SORCS3: variants seen among roughly 807,000 people sequenced by gnomAD.
The protein encoded by SORCS3 is VPS10 domain-containing receptor SorCS3.
Under a neutral mutation model 146.3 loss-of-function variants are expected in SORCS3, and 57 were observed. The ratio of observed to expected loss-of-function variants is 0.39; its 90% CI spans 0.31 to 0.49. The LOEUF is 0.49. SORCS3 is among the 20% of genes least tolerant of loss of function. SORCS3 has a pLI of 0.92. For missense variants in SORCS3, 1,341 were observed against 1,575.5 expected, an observed-to-expected ratio of 0.85 and a Z score of 2.52; for synonymous variants, 653 against 618.5, an observed-to-expected ratio of 1.06 and a Z score of -0.83.
intron 3 of SORCS3, among the ~76,000 whole-genome samples, chr10:104,932,448 C>A (rs1485738017): frequency 3.3e-5 from 5 of 152,146 alleles, no homozygotes; most frequent in Admixed American, 2.0e-4. Flanking sequence ...CCACAGTTAT[C>A]CCCTCAAAAA....
At chr10:105,224,123 A>G (rs1332874310) in intron 20 of SORCS3, among the ~76,000 whole-genome samples, 1 of 152,166 alleles carries the variant, frequency 6.6e-6, no homozygotes, top group African/African-American at 2.4e-5. Flanking sequence ...CTTTAGATTC[A>G]TTTCTGGTTT....
intron 7 of SORCS3, among the ~76,000 whole-genome samples, chr10:105,107,262 C>T (rs776907924): frequency 2.7e-5 from 4 of 150,904 alleles, no homozygotes; most frequent in Admixed American, 1.3e-4. Context: ...CCTTTTATTC[C>T]ATTCTCATTG....
intron 1 of SORCS3, among the ~76,000 whole-genome samples, chr10:104,841,350 A>G (rs543859727): frequency 3.9e-5 from 6 of 152,168 alleles, no homozygotes; most frequent in Non-Finnish European, 8.8e-5. Flanking sequence ...TGCTATTAAT[A>G]CATACTCTTT....
chr10:104,661,276 G>A (rs2015696668), intron 1 of SORCS3, among the ~76,000 whole-genome samples: 1 of 152,118 alleles, frequency 6.6e-6, no homozygotes, highest in African/African-American at 2.4e-5. Context: ...GACGAGTCTT[G>A]TAATATTCAG....
intron 3 of SORCS3, among the ~76,000 whole-genome samples, chr10:104,946,146 G>A (rs920027011): frequency 6.6e-6 from 1 of 151,878 alleles, no homozygotes; most frequent in Non-Finnish European, 1.5e-5. Context: ...CTGGCACATC[G>A]AGTATGCACA....
chr10:104,807,847 G>A (rs962770381), intron 1 of SORCS3, among the ~76,000 whole-genome samples: 6 of 152,164 alleles, frequency 3.9e-5, no homozygotes, highest in Non-Finnish European at 7.3e-5. Context: ...AAAAGGCTTC[G>A]TAATTTACTT....
Position 104,977,361 on chromosome 10 carries a change from G to C in SORCS3, c.822G>C (p.Met274Ile). Residue 274 changes from methionine to isoleucine, a missense_variant, in exon 4 of 27, where the codon ATG becomes ATC. Coordinates refer to ENST00000369701, the MANE Select transcript of SORCS3 (RefSeq NM_014978.3). ...RKIMLLSDPE[M>I]ESSILISSDE... ...TTATGCTTCTCAGTGATCCTGAGAT[G>C]GAGAGCAGCATATTGATCAGCTCAG... 6.2e-7 allele frequency: 1 copy of C among 1,613,188 alleles called. No individual in the cohort carries two copies. Among genetic ancestry groups the C allele is most frequent in the Non-Finnish European group, 8.5e-7 (1 of 1,179,576 alleles).
At chr10:104,735,456 G>GTTTTTTTTTTTTTT (rs56203751) in intron 1 of SORCS3, among the ~76,000 whole-genome samples, 501 of 34,920 alleles carry the variant, frequency 0.014, 121 homozygotes, top group Admixed American at 0.031. Context: ...CTCACCGTCT[G>GTTTTTTTTTTTTTT]TTTTTTTTTT....
intron 2 of SORCS3, among the ~76,000 whole-genome samples, chr10:104,893,063 G>T (rs1037315275): frequency 1.3e-5 from 2 of 152,098 alleles, no homozygotes; most frequent in Non-Finnish European, 2.9e-5. Context: ...TCTCTGTCAT[G>T]GTCCCTGTTT....
intron 2 of SORCS3, among the ~76,000 whole-genome samples, chr10:104,871,448 C>G (rs756558859): frequency 5.3e-5 from 8 of 152,150 alleles, no homozygotes; most frequent in Non-Finnish European, 7.3e-5. Flanking sequence ...ATTTTGAGCC[C>G]TTGGCTTTTG....
intron 1 of SORCS3, among the ~76,000 whole-genome samples, chr10:104,655,542 T>G (rs898322245): frequency 6.6e-6 from 1 of 152,200 alleles, no homozygotes; most frequent in Non-Finnish European, 1.5e-5. Flanking sequence ...TTTAAAATCA[T>G]TTTTAAAAAC....
At chr10:104,872,121 C>T (rs2018524920) in intron 2 of SORCS3, among the ~76,000 whole-genome samples, 1 of 152,134 alleles carries the variant, frequency 6.6e-6, no homozygotes, top group Non-Finnish European at 1.5e-5. Flanking sequence ...TCTGTCTACC[C>T]ATAACTGTAA....
At chr10:104,694,442 G>A (rs2016150172) in intron 1 of SORCS3, among the ~76,000 whole-genome samples, 3 of 151,946 alleles carry the variant, frequency 2.0e-5, no homozygotes, top group Non-Finnish European at 4.4e-5. Flanking sequence ...GAAGGTAGTG[G>A]ATGCTGAGGT....
intron 3 of SORCS3, among the ~76,000 whole-genome samples, chr10:104,955,932 A>AT (rs1466156164): frequency 6.6e-6 from 1 of 152,158 alleles, no homozygotes; most frequent in Non-Finnish European, 1.5e-5. Flanking sequence ...TAAGCAGGTA[A>AT]TTTTAAGGTC....
At chr10:104,943,939 G>T (rs1034935728) in intron 3 of SORCS3, among the ~76,000 whole-genome samples, 1 of 152,058 alleles carries the variant, frequency 6.6e-6, no homozygotes, top group African/African-American at 2.4e-5. Flanking sequence ...TTTCTTTTGA[G>T]ATGGGGTCTT....
In SORCS3 at chr10:105,264,656, A is replaced by C. The variant is rs2056981072; in HGVS notation, c.*1282A>C. 6.6e-6 allele frequency: 1 copy of C among 152,656 alleles called. No individual in the cohort carries two copies. Among genetic ancestry groups the C allele is most frequent in the Non-Finnish European group, 1.5e-5 (1 of 68,044 alleles). The allele number at this position is 152,656 out of a possible 1,614,324, so 9.5% of individuals were successfully genotyped here. ...GCTGTGCTATTTGCTTGTCAGATGT[A>C]CACAACTTCCTTAAAGTCAAATGTC... On this transcript the variant is annotated 3_prime_UTR_variant, in exon 27 of 27. Coordinates refer to ENST00000369701, the MANE Select transcript of SORCS3 (RefSeq NM_014978.3).
intron 3 of SORCS3, among the ~76,000 whole-genome samples, chr10:104,968,879 A>G (rs1232295606): frequency 1.3e-5 from 2 of 152,200 alleles, no homozygotes; most frequent in African/African-American, 4.8e-5. Flanking sequence ...TAAAAACCCA[A>G]TTTTAAATAT....
chr10:105,121,245 C>T (rs906628278), intron 7 of SORCS3, among the ~76,000 whole-genome samples: 40 of 152,158 alleles, frequency 2.6e-4, no homozygotes, highest in African/African-American at 8.2e-4. Flanking sequence ...TAGTGGAAAA[C>T]GGACCTTGCA....
intron 1 of SORCS3, among the ~76,000 whole-genome samples, chr10:104,817,728 C>T (rs1336316664): frequency 2.3e-5 from 3 of 130,070 alleles, no homozygotes; most frequent in Admixed American, 8.3e-5. Flanking sequence ...TCCTCCTCTT[C>T]CCCTTTTTTG....
Sources: allele counts gnomAD v4.1 joint callset (sites outside exome capture counted in the v4.1 genomes callset), GRCh38; gene constraint gnomAD v4.1.1; transcripts MANE v1.5; gene names NCBI Gene and HGNC (gene_info 2026-07-23, HGNC 2026-07-21).